Variants in HERC3 observed in about 807,000 individuals in gnomAD.
HERC3 encodes HECT and RLD domain containing E3 ubiquitin protein ligase 3, also known as probable E3 ubiquitin-protein ligase HERC3.
In HERC3, 58 loss-of-function variants were observed where a neutral mutation model predicts 129.9. That is an observed-to-expected ratio of 0.45 (90% CI 0.36 to 0.56). The LOEUF is 0.56. Ranked by LOEUF, HERC3 falls within the 20% of genes least tolerant of loss-of-function variation. HERC3 has a pLI of 0.00. For missense variants in HERC3, 835 were observed against 1,244.2 expected, an observed-to-expected ratio of 0.67 and a Z score of 4.95; for synonymous variants, 430 against 451.0, an observed-to-expected ratio of 0.95 and a Z score of 0.59.
upstream of HERC3, among the ~76,000 whole-genome samples, chr4:88,590,726 G>C (rs1219359977): frequency 2.0e-5 from 3 of 152,126 alleles, no homozygotes; most frequent in African/African-American, 7.2e-5. Context: ...CTTCCTACCA[G>C]ACTCCTCTTT....
At chr4:88,545,430 C>CCT in the HERC3 span, among the ~76,000 whole-genome samples, 27 of 110,396 alleles carry the variant, frequency 2.4e-4, no homozygotes, top group East Asian at 4.7e-3. Context: ...TTTGAGAATT[C>CCT]TTTTTTTTTT....
At chr4:88,633,438 C>T (rs888611248) in intron 3 of HERC3, among the ~76,000 whole-genome samples, 4 of 152,114 alleles carry the variant, frequency 2.6e-5, no homozygotes, top group Non-Finnish European at 5.9e-5. Flanking sequence ...AGGGTTTCTT[C>T]CGTGTAATAT....
chr4:88,696,974 G>C (rs953950988), intron 23 of HERC3: 5 of 436,018 alleles, frequency 1.1e-5, no homozygotes, highest in African/African-American at 1.0e-4. Context: ...GTTTAATTCA[G>C]TTTTCTTTAA....
chr4:88,684,505 C>T (rs1213534686), intron 21 of HERC3, among the ~76,000 whole-genome samples: 1 of 151,818 alleles, frequency 6.6e-6, no homozygotes. Context: ...AACCCAAAAC[C>T]CTAGAAGAAA....
intron 3 of HERC3, among the ~76,000 whole-genome samples, chr4:88,649,504 G>A (rs1729046873): frequency 6.6e-6 from 1 of 151,978 alleles, no homozygotes; most frequent in Non-Finnish European, 1.5e-5. Flanking sequence ...TCAACATTTA[G>A]GCCTCTTGGA....
chr4:88,646,687 G>A (rs146175024), intron 3 of HERC3, among the ~76,000 whole-genome samples: 1 of 152,164 alleles, frequency 6.6e-6, no homozygotes, highest in African/African-American at 2.4e-5. Context: ...TGGGGCAGGG[G>A]TGTATTCAGA....
chr4:88,593,029 G>A (rs1721897428), intron 1 of HERC3, among the ~76,000 whole-genome samples: 1 of 152,194 alleles, frequency 6.6e-6, no homozygotes. Context: ...TGAGGGGCGC[G>A]GACGCTTTCA....
rs775821536 is a variant in HERC3, at chr4:88,658,451, C to T, written c.1106C>T (p.Ser369Phe). Residue 369 changes from serine (S) to phenylalanine (F), a missense_variant, in exon 10 of 26, where the codon TCT (serine) becomes TTT (phenylalanine). Physicochemically the swap from Ser to Phe is radical, Grantham distance 155. Coordinates refer to ENST00000402738, the MANE Select transcript of HERC3 (RefSeq NM_014606.3). ...TATCATATCGTTAAGCAGATCTTCT[C>T]TGGAGGAGACCAGACTTTTGTACTT... is the stretch of plus-strand genomic sequence containing the variant. ...FKYHIVKQIF[S>F]GGDQTFVLCS... is the part of the protein sequence containing the mutation. 1.2e-6 allele frequency: 2 copies of T among 1,605,830 alleles called. No homozygotes were observed.
Position 88,706,853 on chromosome 4 carries a change from C to T in HERC3, c.3046C>T (p.His1016Tyr). ...CGGGGAGGAGTACTTGCCGGTGGCC[C>T]ACACTTGCTACAACCTTCTTGACCT... ...ASGEEYLPVA[H>Y]TCYNLLDLPK... Residue 1016 changes from histidine (H) to tyrosine (Y), a missense_variant, in exon 26 of 26, where the codon CAC becomes TAC. Transcript: ENST00000402738. 1.9e-6 allele frequency: 3 copies of T among 1,614,108 alleles called. No homozygotes were observed. Among genetic ancestry groups the T allele is most frequent in the Non-Finnish European group, 2.5e-6 (3 of 1,179,986 alleles).
chr4:88,696,976 T>TA (rs2149339085), intron 23 of HERC3: 1 of 437,540 alleles, frequency 2.3e-6, no homozygotes, highest in Non-Finnish European at 4.0e-6. Context: ...TTAATTCAGT[T>TA]TTCTTTAACA....
intron 3 of HERC3, among the ~76,000 whole-genome samples, chr4:88,615,190 C>G (rs1275930826): frequency 6.6e-6 from 1 of 152,054 alleles, no homozygotes; most frequent in Non-Finnish European, 1.5e-5. Flanking sequence ...GTTACAATAG[C>G]AATTTTTTAG....
At chr4:88,687,367 C>A (rs1286935470) in intron 23 of HERC3, 68 bp downstream of exon 23, 4 of 1,045,012 alleles carry the variant, frequency 3.8e-6, no homozygotes, top group South Asian at 1.6e-5. Flanking sequence ...CATTTAAGAC[C>A]AAAATAAAAA....
chr4:88,687,308 T>C lies in HERC3; in HGVS notation c.2657+9T>C. 1 of 1,587,262 alleles carries C rather than the reference T, an allele frequency of 6.3e-7. No individual in the cohort carries two copies. The highest frequency in any genetic ancestry group is 8.6e-7 in the Non-Finnish European group (1 of 1,159,160). On this transcript the variant is annotated intron_variant, in intron 23 of 25. Coordinates refer to ENST00000402738, the MANE Select transcript of HERC3 (RefSeq NM_014606.3). ...GTGTGCAAGGATAACAGGTTAGTCC[T>C]GACCTTGGACTGTTGCAGATACTGC...
At chr4:88,608,600 A>G (rs1315541426) in intron 3 of HERC3, among the ~76,000 whole-genome samples, 1 of 152,264 alleles carries the variant, frequency 6.6e-6, no homozygotes, top group Non-Finnish European at 1.5e-5. Flanking sequence ...ATCATATACA[A>G]CTACCATGGA....
At chr4:88,558,967 C>CA in the HERC3 span, among the ~76,000 whole-genome samples, 789 of 111,790 alleles carry the variant, frequency 7.1e-3, 9 homozygotes, top group East Asian at 0.02. Context: ...GACTCTGTCT[C>CA]AAAAAAAAAA....
the HERC3 span, among the ~76,000 whole-genome samples, chr4:88,564,346 G>A: frequency 6.6e-6 from 1 of 152,194 alleles, no homozygotes; most frequent in South Asian, 2.1e-4. Context: ...AGTTTGACTA[G>A]AATTGGTATT....
intron 3 of HERC3, among the ~76,000 whole-genome samples, chr4:88,613,352 T>C (rs1724558994): frequency 1.3e-5 from 2 of 152,276 alleles, no homozygotes; most frequent in African/African-American, 4.8e-5. Context: ...GTTTCCCTCT[T>C]GCAGGTAATT....
At position 88,652,849 on chromosome 4, in the gene HERC3, C is replaced by T; in HGVS notation, c.464-20C>T. The T allele has an allele frequency of 6.3e-7, 1 of 1,594,040 alleles. No homozygotes were observed. Among genetic ancestry groups the T allele is most frequent in the Non-Finnish European group, 8.6e-7 (1 of 1,166,022 alleles). On this transcript the variant is annotated intron_variant, in intron 5 of 25. Coordinates refer to ENST00000402738, the MANE Select transcript of HERC3 (RefSeq NM_014606.3). The stretch of plus-strand genomic sequence containing the variant: ...AGCTTGTATCATTTTATGGTAATAC[C>T]AGTTATCCTGTTATTTCAGATGGCC...
intron 3 of HERC3, among the ~76,000 whole-genome samples, chr4:88,628,444 A>T (rs1374051359): frequency 2.0e-5 from 3 of 151,430 alleles, no homozygotes; most frequent in African/African-American, 4.9e-5. Flanking sequence ...GTTTTTTTTT[A>T]AAAGGCAGCA....
Sources: allele counts gnomAD v4.1 joint callset (sites outside exome capture counted in the v4.1 genomes callset), GRCh38; gene constraint gnomAD v4.1.1; transcripts MANE v1.5; gene names NCBI Gene and HGNC (gene_info 2026-07-23, HGNC 2026-07-21).